Variants in LRBA observed in about 807,000 individuals in gnomAD.
LRBA encodes LPS responsive beige-like anchor protein, also known as lipopolysaccharide-responsive and beige-like anchor protein.
In LRBA, 176 loss-of-function variants were observed where a neutral mutation model predicts 330.0. The ratio of observed to expected loss-of-function variants is 0.53; its 90% CI spans 0.47 to 0.60. LRBA has a LOEUF of 0.60. LRBA is among the 20% of genes least tolerant of loss of function. The probability of loss-of-function intolerance (pLI) is 0.00; values close to 1 mark genes in which losing one functional copy is unlikely to be tolerated. For synonymous variants in LRBA, 1,230 were observed against 1,193.0 expected (o/e 1.03, Z -0.64); for missense variants, 3,259 against 3,444.8 (o/e 0.95, Z 1.35).
At chr4:150,817,000 T>C in intron 31 of LRBA, 124 bp downstream of exon 31, 1 of 733,362 alleles carries the variant, frequency 1.4e-6, no homozygotes, top group Middle Eastern at 2.9e-4. Context: ...TAGTAAACAA[T>C]CAACAGTATA....
chr4:150,417,434 G>A (rs1054030754), intron 46 of LRBA, among the ~76,000 whole-genome samples: 8 of 152,090 alleles, frequency 5.3e-5, no homozygotes, highest in African/African-American at 1.7e-4. Context: ...CTATTCCCAG[G>A]CCTTGTTTCA....
intron 48 of LRBA, among the ~76,000 whole-genome samples, chr4:150,345,282 A>T (rs922221981): frequency 6.6e-6 from 1 of 152,170 alleles, no homozygotes; most frequent in African/African-American, 2.4e-5. Context: ...ACCTTATTAC[A>T]TGATTCGGGT....
At chr4:150,322,957 C>T (rs114981308) in intron 49 of LRBA, among the ~76,000 whole-genome samples, 2,511 of 148,426 alleles carry the variant, frequency 0.017, 24 homozygotes, top group Middle Eastern at 0.031. Flanking sequence ...TAACGCAGCA[C>T]GAGGTGGCTT....
chr4:150,851,984 C>G lies in LRBA; in HGVS notation c.3726G>C (p.Ala1242=). The G allele has an allele frequency of 6.2e-7, 1 of 1,614,116 alleles. No individual in the cohort carries two copies. The highest frequency in any genetic ancestry group is 1.3e-5 in the African/African-American group (1 of 75,050). ...VSEASSEQKI[A]KLDVSNVATD... is the part of the protein sequence containing the mutation. ...TAGCAACATTGGAAACATCCAACTT[C>G]GCAATCTTTTGCTCAGAAGAAGCCT... The change falls in exon 23 of 57, where the codon GCG becomes GCC. Residue 1242 remains alanine (A), a synonymous_variant. Coordinates refer to ENST00000651943, the MANE Select transcript of LRBA (RefSeq NM_001364905.1).
At chr4:150,621,945 A>T (rs1241622827) in intron 37 of LRBA, among the ~76,000 whole-genome samples, 1 of 152,234 alleles carries the variant, frequency 6.6e-6, no homozygotes, top group Non-Finnish European at 1.5e-5. Flanking sequence ...AAACCAAAAC[A>T]GTTGGGTTGA....
chr4:150,548,068 A>C (rs1259267676), intron 40 of LRBA, among the ~76,000 whole-genome samples: 2 of 152,188 alleles, frequency 1.3e-5, no homozygotes, highest in Non-Finnish European at 2.9e-5. Flanking sequence ...AATATGCTTT[A>C]ATCAATTAAG....
At position 150,583,487 on chromosome 4, in the gene LRBA, C is replaced by T; in HGVS notation, c.6330+4561G>A. On this transcript the variant is annotated intron_variant, in intron 40 of 56. Coordinates refer to ENST00000651943, the MANE Select transcript of LRBA (RefSeq NM_001364905.1). This position sits in a 1 kb window ranked among gnomAD's most constrained non-coding sequence, Gnocchi z 9.8. ...TATCGGGATGTGGTCAAGATGATCG[C>T]GGACACCAGCGAGGTCAAGTTGCGC... 6.2e-7 allele frequency: 1 copy of T among 1,613,922 alleles called. No individual in the cohort carries two copies. The highest frequency in any genetic ancestry group is 1.1e-5 in the South Asian group (1 of 91,088).
chr4:150,528,362 G>C (rs900283392), intron 40 of LRBA, among the ~76,000 whole-genome samples: 2 of 151,952 alleles, frequency 1.3e-5, no homozygotes, highest in Non-Finnish European at 2.9e-5. Flanking sequence ...TTAGCCAGGC[G>C]TGGTGGTGGG....
intron 2 of LRBA, among the ~76,000 whole-genome samples, chr4:151,009,203 T>C (rs922252739): frequency 3.8e-4 from 57 of 151,052 alleles, no homozygotes; most frequent in African/African-American, 1.3e-3. Flanking sequence ...ACTGTTTATA[T>C]AGAATTTACA....
At position 150,976,028 on chromosome 4, in the gene LRBA, A is replaced by G. The variant is rs1308627441; in HGVS notation, c.216+38399T>C. On this transcript the variant is annotated intron_variant, in intron 2 of 56. Coordinates refer to ENST00000651943, the MANE Select transcript of LRBA (RefSeq NM_001364905.1). ...AATTAAAAAAATAAAATAAAAACTTAGCTGGGCGTGGCAGCACACACCTGT... is the reference window on the plus strand; with the variant it reads ...AATTAAAAAAATAAAATAAAAACTTGGCTGGGCGTGGCAGCACACACCTGT... Among the ~76,000 whole-genome samples, 4 of 152,054 alleles carry G rather than the reference A, an allele frequency of 2.6e-5. No homozygotes were observed. The East Asian group carries it at 7.7e-4, about 29-fold the overall frequency.
intron 37 of LRBA, among the ~76,000 whole-genome samples, chr4:150,646,278 GAGA>G (rs1401610417): frequency 6.6e-6 from 1 of 152,006 alleles, no homozygotes; most frequent in African/African-American, 2.4e-5. Flanking sequence ...CATGAGCAAC[GAGA>G]AGGATAAATA....
rs1742602946 is a variant in LRBA at position 150,383,542 on chromosome 4, T to C, written c.7194+31896A>G. Among the ~76,000 whole-genome samples, 3 of 152,200 alleles carry C rather than the reference T, an allele frequency of 2.0e-5. No individual in the cohort carries two copies. The South Asian group carries it at 6.2e-4, about 31-fold the overall frequency. On this transcript the variant is annotated intron_variant, in intron 47 of 56. Transcript: ENST00000651943. ...TGCTGGGGTTACAGGGGTAAACCACTGCACCCCCAATTTTGTATAGATAAC... is the reference window on the plus strand; with the variant it reads ...TGCTGGGGTTACAGGGGTAAACCACCGCACCCCCAATTTTGTATAGATAAC...
intron 36 of LRBA, among the ~76,000 whole-genome samples, chr4:150,720,052 T>G (rs1030141830): frequency 6.6e-6 from 1 of 152,254 alleles, no homozygotes; most frequent in Non-Finnish European, 1.5e-5. Context: ...CCATAGGATA[T>G]TCTACAAAAA....
chr4:150,917,630 C>T (rs576427848), intron 5 of LRBA, among the ~76,000 whole-genome samples: 30 of 152,072 alleles, frequency 2.0e-4, no homozygotes, highest in African/African-American at 7.2e-4. Flanking sequence ...CCAAAACAAT[C>T]TTTTAAAAAG....
chr4:150,645,020 T>G (rs1255520828), intron 37 of LRBA, among the ~76,000 whole-genome samples: 2 of 151,678 alleles, frequency 1.3e-5, no homozygotes, highest in Non-Finnish European at 3.0e-5. Flanking sequence ...TTTTTTTTCA[T>G]GGTCTTAACC....
intron 2 of LRBA, among the ~76,000 whole-genome samples, chr4:150,941,472 G>T (rs1354088912): frequency 6.6e-6 from 1 of 152,030 alleles, no homozygotes; most frequent in Non-Finnish European, 1.5e-5. Flanking sequence ...TTTTTATTGT[G>T]AAATGTTTCA....
chr4:150,743,719 T>G (rs1256059245), intron 35 of LRBA, among the ~76,000 whole-genome samples: 1 of 152,192 alleles, frequency 6.6e-6, no homozygotes, highest in Non-Finnish European at 1.5e-5. Flanking sequence ...AAAAAGACCA[T>G]GTGTACTGCA....
At chr4:150,867,310 A>G (rs1579043099) in intron 22 of LRBA, among the ~76,000 whole-genome samples, 1 of 152,052 alleles carries the variant, frequency 6.6e-6, no homozygotes, top group South Asian at 2.1e-4. Flanking sequence ...TCTGAGACCC[A>G]TGTTTGTAAA....
At chr4:150,879,747 A>C (rs1728160349) in intron 17 of LRBA, among the ~76,000 whole-genome samples, 1 of 152,190 alleles carries the variant, frequency 6.6e-6, no homozygotes, top group South Asian at 2.1e-4. Flanking sequence ...CAAATCAAGA[A>C]AGCAATTCCT....
Sources: allele counts gnomAD v4.1 joint callset (sites outside exome capture counted in the v4.1 genomes callset), GRCh38; gene constraint gnomAD v4.1.1; non-coding constraint Gnocchi (gnomAD v3.1); transcripts MANE v1.5; gene names NCBI Gene and HGNC (gene_info 2026-07-23, HGNC 2026-07-21).